Variants in MBP observed in about 807,000 individuals in gnomAD.
The protein encoded by MBP is myelin basic protein.
MBP carries 16 observed loss-of-function variants against 35.8 expected under a neutral mutation model. That is an observed-to-expected ratio of 0.45 (90% CI 0.30 to 0.68). The LOEUF is 0.68. Ranked by LOEUF, MBP falls within the 30% of genes least tolerant of loss-of-function variation. The pLI, the probability that MBP is intolerant of heterozygous loss-of-function variation, is 0.08. For synonymous variants in MBP, 143 were observed against 159.6 expected (o/e 0.90, Z 0.78); for missense variants, 380 against 404.7 (o/e 0.94, Z 0.52).
intron 3 of MBP, among the ~76,000 whole-genome samples, chr18:77,034,571 C>T (rs111722609): frequency 2.6e-5 from 4 of 152,322 alleles, no homozygotes; most frequent in African/African-American, 4.8e-5. Flanking sequence ...AAAACAGATG[C>T]CTGCCTCCCA....
chr18:77,091,202 T>C (rs1027161829), intron 2 of MBP, among the ~76,000 whole-genome samples: 1 of 152,236 alleles, frequency 6.6e-6, no homozygotes, highest in Non-Finnish European at 1.5e-5. Context: ...TGATCTACAC[T>C]GCACTTATCC....
chr18:77,084,272 C>T lies in MBP; in HGVS notation c.52-17887G>A, dbSNP rs562254291. 2.0e-3 allele frequency among the ~76,000 whole-genome samples: 304 copies of T among 152,084 alleles called. 1 individual carries two copies. Among genetic ancestry groups the T allele is most frequent in the African/African-American group, 6.8e-3 (282 of 41,458 alleles). Reference sequence around the variant, plus strand: ...GCTTGTCAGAATCAAAATGGAGTCACTTAGGTTAAAATGCTGAAAAATGAA... The same window carrying T: ...GCTTGTCAGAATCAAAATGGAGTCATTTAGGTTAAAATGCTGAAAAATGAA... On this transcript the variant is annotated intron_variant, in intron 2 of 8. Coordinates refer to ENST00000355994, the MANE Select transcript of MBP (RefSeq NM_001025101.2).
intron 3 of MBP, among the ~76,000 whole-genome samples, chr18:77,023,995 C>T (rs1004143932): frequency 1.3e-5 from 2 of 152,210 alleles, no homozygotes; most frequent in African/African-American, 2.4e-5. Flanking sequence ...ATAGAAGATG[C>T]TGATATTTAC....
chr18:77,075,455 GAGA>G (rs1974612522), intron 2 of MBP, among the ~76,000 whole-genome samples: 1 of 152,222 alleles, frequency 6.6e-6, no homozygotes, highest in South Asian at 2.1e-4. Context: ...AGACGGCAGC[GAGA>G]AGGTGGGTCC....
rs189039329 is a variant in MBP at position 77,064,284 on chromosome 18, C to T, written c.139+2014G>A. Among the ~76,000 whole-genome samples, 38 of 152,304 alleles carry T rather than the reference C, an allele frequency of 2.5e-4. 1 individual carries two copies. The highest frequency in any genetic ancestry group is 1.2e-3 in the Admixed American group (18 of 15,300). On this transcript the variant is annotated intron_variant, in intron 3 of 8. Transcript: ENST00000355994. ...AACCCTAAGTGTTCTCCAGAGTGCACGCTGCTGCTCCTAGTCATGGACGCG... is the reference window on the plus strand; with the variant it reads ...AACCCTAAGTGTTCTCCAGAGTGCATGCTGCTGCTCCTAGTCATGGACGCG...
chr18:77,009,735 C>A, intron 4 of MBP: 3 of 923,952 alleles, frequency 3.2e-6, no homozygotes, highest in Non-Finnish European at 3.3e-6. Flanking sequence ...GCCCCGGAGG[C>A]TGGGGGTGGG....
chr18:77,110,658 C>G (rs916179996), intron 1 of MBP: 1 of 152,098 alleles, frequency 6.6e-6, no homozygotes, highest in Non-Finnish European at 1.5e-5. Context: ...TGGTCACCGC[C>G]GGACAAGGGG....
chr18:77,009,749 C>G (rs1287462330), intron 4 of MBP: 1 of 1,079,110 alleles, frequency 9.3e-7, no homozygotes, highest in Admixed American at 2.4e-5. Flanking sequence ...GGGTGGGCCC[C>G]TGGCAGTGAC....
chr18:77,026,410 T>A (rs1231178162), intron 3 of MBP, among the ~76,000 whole-genome samples: 1 of 152,164 alleles, frequency 6.6e-6, no homozygotes, highest in Non-Finnish European at 1.5e-5. Flanking sequence ...AAAACTAGAA[T>A]AAAACATAAC....
At chr18:77,001,950 C>A (rs1970663068) in intron 4 of MBP, among the ~76,000 whole-genome samples, 2 of 152,214 alleles carry the variant, frequency 1.3e-5, no homozygotes, top group Non-Finnish European at 2.9e-5. Context: ...GTTGGAACAT[C>A]TTCTAACTAT....
At chr18:77,014,172 G>C in intron 4 of MBP, 1 of 985,406 alleles carries the variant, frequency 1.0e-6, no homozygotes, top group African/African-American at 1.7e-5. Flanking sequence ...CCTTCTCAAG[G>C]AATTTTTAAT....
intron 3 of MBP, among the ~76,000 whole-genome samples, chr18:77,017,968 G>T (rs1971742522): frequency 6.6e-6 from 1 of 152,192 alleles, no homozygotes; most frequent in Non-Finnish European, 1.5e-5. Context: ...GAAGGGCAAT[G>T]AATCCATTTT....
chr18:77,109,451 G>A (rs1010967336), intron 1 of MBP: 6 of 152,244 alleles, frequency 3.9e-5, no homozygotes, highest in Admixed American at 6.5e-5. Context: ...GGACATTCAC[G>A]AGACAGCCAT....
chr18:77,126,626 T>C (rs1432481047), intron 1 of MBP, among the ~76,000 whole-genome samples: 1 of 152,182 alleles, frequency 6.6e-6, no homozygotes, highest in Non-Finnish European at 1.5e-5. Context: ...ATGATCTACA[T>C]AGACAATCCC....
chr18:77,014,627 C>T, intron 4 of MBP: 2 of 985,382 alleles, frequency 2.0e-6, no homozygotes, highest in Non-Finnish European at 1.2e-6. Context: ...AATGAATACC[C>T]CAGATTTTTA....
intron 4 of MBP, chr18:77,015,794 A>G (rs1432594972): frequency 8.1e-6 from 8 of 985,320 alleles, no homozygotes; most frequent in Non-Finnish European, 9.6e-6. Flanking sequence ...AAGTTGCCCT[A>G]TGGTTTTTAT....
chr18:77,119,604 C>T (rs1365749014), intron 1 of MBP, among the ~76,000 whole-genome samples: 1 of 152,182 alleles, frequency 6.6e-6, no homozygotes, highest in East Asian at 1.9e-4. Context: ...TTACCTCAAG[C>T]CGCGCCCACA....
At chr18:77,060,179 T>G (rs1973908209) in intron 3 of MBP, among the ~76,000 whole-genome samples, 1 of 152,168 alleles carries the variant, frequency 6.6e-6, no homozygotes, top group Admixed American at 6.5e-5. Flanking sequence ...TCTAACCTCC[T>G]GCCCTCTCTC....
intron 1 of MBP, among the ~76,000 whole-genome samples, chr18:77,121,165 T>C (rs1243992999): frequency 6.6e-6 from 1 of 152,016 alleles, no homozygotes; most frequent in African/African-American, 2.4e-5. Context: ...ATTAGCCTGG[T>C]GTGGCAGTGT....
Sources: allele counts gnomAD v4.1 joint callset (sites outside exome capture counted in the v4.1 genomes callset), GRCh38; gene constraint gnomAD v4.1.1; transcripts MANE v1.5; gene names NCBI Gene and HGNC (gene_info 2026-07-23, HGNC 2026-07-21).